ERAP1: variants seen among roughly 807,000 people sequenced by gnomAD.
The protein encoded by ERAP1 is adipocyte-derived leucine aminopeptidase.
ERAP1 carries 86 observed loss-of-function variants against 103.7 expected under a neutral mutation model. The ratio of observed to expected loss-of-function variants is 0.83; its 90% confidence interval spans 0.70 to 0.99. The LOEUF is 0.99. ERAP1 is among the 50% of genes least tolerant of loss of function. The probability of loss-of-function intolerance (pLI) is 0.00; values close to 1 mark genes in which losing one functional copy is unlikely to be tolerated. For missense variants in ERAP1, 1,009 were observed against 1,128.4 expected, an observed-to-expected ratio of 0.89 and a Z score of 1.52; for synonymous variants, 398 against 402.4, an observed-to-expected ratio of 0.99 and a Z score of 0.13.
chr5:96,802,117 A>G (rs1778078251), intron 2 of ERAP1, among the ~76,000 whole-genome samples: 1 of 152,114 alleles, frequency 6.6e-6, no homozygotes, highest in Non-Finnish European at 1.5e-5. Flanking sequence ...TCAAAAATTT[A>G]TAGGCTCTTT....
At chr5:96,793,327 A>C in intron 7 of ERAP1, 73 bp downstream of exon 7, 1 of 998,506 alleles carries the variant, frequency 1.0e-6, no homozygotes, top group East Asian at 2.5e-5. Flanking sequence ...ATCAAAGATT[A>C]GTGAATATTT....
the ERAP1 span, among the ~76,000 whole-genome samples, chr5:96,889,978 A>G: frequency 6.6e-6 from 1 of 152,076 alleles, no homozygotes; most frequent in Non-Finnish European, 1.5e-5. Context: ...AGAACTGAAA[A>G]CTATGCTTCC....
the ERAP1 span, among the ~76,000 whole-genome samples, chr5:96,914,363 A>G: frequency 1.3e-5 from 2 of 152,220 alleles, no homozygotes; most frequent in East Asian, 3.9e-4. Context: ...TAGAGTCCTC[A>G]CACAGCTTTG....
At position 96,774,814 on chromosome 5, in the gene ERAP1, C is replaced by CTATT. The variant is rs1322090451; in HGVS notation, c.*1578_*1581dup. The CTATT allele has an allele frequency of 5.1e-6, 5 of 984,180 alleles. No individual in the cohort carries two copies. Among genetic ancestry groups the CTATT allele is most frequent in the Non-Finnish European group, 6.0e-6 (5 of 829,008 alleles). The allele number at this position is 984,180 out of a possible 1,614,324, so 61.0% of individuals were successfully genotyped here. A position where few individuals can be genotyped will look rare whatever the true frequency, so the allele number is the denominator to read the frequency against. ...AAAAATTCCAATTCCACTTTTATAC[C>CTATT]TATTTATTTGTTGTAGTGAATGGTT... On this transcript the variant is annotated 3_prime_UTR_variant, in exon 19 of 19. Coordinates refer to ENST00000443439, the MANE Select transcript of ERAP1 (RefSeq NM_001040458.3).
downstream of ERAP1, among the ~76,000 whole-genome samples, chr5:96,771,468 T>G (rs1772292789): frequency 6.6e-6 from 1 of 152,130 alleles, no homozygotes; most frequent in African/African-American, 2.4e-5. Context: ...TTTTAGCTTA[T>G]AAGCTTGAGG....
chr5:96,781,002 A>G, intron 17 of ERAP1, 56 bp downstream of exon 17: 1 of 1,607,004 alleles, frequency 6.2e-7, no homozygotes, highest in Non-Finnish European at 8.5e-7. Flanking sequence ...GCAAGGCTAA[A>G]ACACAGTAAG....
the ERAP1 span, among the ~76,000 whole-genome samples, chr5:96,876,918 T>G: frequency 6.6e-6 from 1 of 152,134 alleles, no homozygotes; most frequent in Non-Finnish European, 1.5e-5. Context: ...CCTGTGTGGA[T>G]TTTGAGAAGT....
the ERAP1 span, among the ~76,000 whole-genome samples, chr5:96,843,192 T>A: frequency 6.6e-6 from 1 of 152,192 alleles, no homozygotes; most frequent in Non-Finnish European, 1.5e-5. Flanking sequence ...CACAAGCAGC[T>A]CAAACGCCTA....
chr5:96,893,758 C>A, the ERAP1 span, among the ~76,000 whole-genome samples: 3 of 152,166 alleles, frequency 2.0e-5, no homozygotes, highest in Non-Finnish European at 4.4e-5. Flanking sequence ...TGTGCATAAC[C>A]CTGGCAAAGA....
chr5:96,842,556 T>A, the ERAP1 span, among the ~76,000 whole-genome samples: 1 of 152,242 alleles, frequency 6.6e-6, no homozygotes, highest in African/African-American at 2.4e-5. Context: ...TGAGCATTTT[T>A]TCATATATTT....
chr5:96,798,340 A>C (rs1777589537), intron 3 of ERAP1, among the ~76,000 whole-genome samples: 1 of 151,706 alleles, frequency 6.6e-6, no homozygotes, highest in South Asian at 2.1e-4. Context: ...AAAAAAAAAA[A>C]AAAGATTTGC....
the ERAP1 span, chr5:96,879,487 C>T: frequency 1.9e-6 from 1 of 536,180 alleles, no homozygotes; most frequent in Non-Finnish European, 3.3e-6. Flanking sequence ...CTCACACATA[C>T]CTTTTTACAT....
chr5:96,912,774 G>A, the ERAP1 span: 1 of 1,601,478 alleles, frequency 6.2e-7, no homozygotes, highest in Middle Eastern at 1.7e-4. Context: ...TTGTCAACGA[G>A]CAAGCATCAG....
chr5:96,858,656 T>C, the ERAP1 span, among the ~76,000 whole-genome samples: 2 of 152,216 alleles, frequency 1.3e-5, no homozygotes, highest in Non-Finnish European at 2.9e-5. Flanking sequence ...TTTGTCTTCA[T>C]TACTGAAGTT....
the ERAP1 span, among the ~76,000 whole-genome samples, chr5:96,826,407 T>C: frequency 6.6e-6 from 1 of 152,238 alleles, no homozygotes; most frequent in Non-Finnish European, 1.5e-5. Flanking sequence ...TACACTTGTC[T>C]ATTTACTAGA....
chr5:96,917,493 A>G, the ERAP1 span: 1 of 1,613,212 alleles, frequency 6.2e-7, no homozygotes, highest in Middle Eastern at 1.7e-4. Context: ...CTTGAGGCTC[A>G]AGGATCACAT....
At chr5:96,895,956 A>ACC in the ERAP1 span, among the ~76,000 whole-genome samples, 1 of 152,172 alleles carries the variant, frequency 6.6e-6, no homozygotes, top group Non-Finnish European at 1.5e-5. Flanking sequence ...GTTACTGTGT[A>ACC]TGTACTGAAT....
At chr5:96,801,747 G>A (rs1335532634) in intron 2 of ERAP1, among the ~76,000 whole-genome samples, 1 of 150,638 alleles carries the variant, frequency 6.6e-6, no homozygotes, top group Non-Finnish European at 1.5e-5. Flanking sequence ...AGCTACTCAG[G>A]AGGCTGAGGC....
the ERAP1 span, chr5:96,900,244 G>C: frequency 6.2e-7 from 1 of 1,608,840 alleles, no homozygotes; most frequent in South Asian, 1.1e-5. Context: ...GCCTGACCTA[G>C]AGTGAGTATG....
Sources: gnomAD v4.1 joint callset for allele counts (sites outside exome capture counted in the v4.1 genomes callset) on GRCh38, gnomAD v4.1.1 for gene constraint, MANE v1.5 for transcripts, NCBI Gene and HGNC (gene_info 2026-07-23, HGNC 2026-07-21) for gene names.